Variants in PRKG1 observed in about 807,000 individuals in gnomAD.
PRKG1 encodes cGMP-dependent protein kinase 1.
PRKG1 carries 35 observed loss-of-function variants against 88.1 expected under a neutral mutation model. That is an observed-to-expected ratio of 0.40 (90% CI 0.30 to 0.53). The LOEUF (loss-of-function observed/expected upper bound fraction) is 0.53, where lower values mean the gene tolerates loss of function less well. Ranked by LOEUF, PRKG1 falls within the 20% of genes least tolerant of loss-of-function variation. The pLI is 0.59. For synonymous variants in PRKG1, 303 were observed against 292.5 expected (o/e 1.04, Z -0.37); for missense variants, 540 against 839.8 (o/e 0.64, Z 4.41).
chr10:52,118,945 T>C (rs1847751690), intron 7 of PRKG1, among the ~76,000 whole-genome samples: 1 of 152,136 alleles, frequency 6.6e-6, no homozygotes, highest in African/African-American at 2.4e-5. Context: ...AATCTCAATT[T>C]TAATTTTCAT....
At chr10:51,707,696 G>T (rs574649225) in intron 3 of PRKG1, among the ~76,000 whole-genome samples, 6 of 152,220 alleles carry the variant, frequency 3.9e-5, no homozygotes, top group African/African-American at 1.4e-4. Context: ...TCTGAGGCTA[G>T]GTTGGTCTGA....
intron 5 of PRKG1, among the ~76,000 whole-genome samples, chr10:52,011,103 G>T (rs888279108): frequency 3.3e-5 from 5 of 152,164 alleles, no homozygotes; most frequent in African/African-American, 9.6e-5. Flanking sequence ...AGCAGAATGT[G>T]GTGTGATTAG....
chr10:51,224,075 G>GA (rs1450734738), intron 2 of PRKG1, among the ~76,000 whole-genome samples: 1 of 152,158 alleles, frequency 6.6e-6, no homozygotes, highest in African/African-American at 2.4e-5. Context: ...CATGGAGTGG[G>GA]AAAATAGGAA....
At chr10:52,112,014 A>G (rs1429928141) in intron 7 of PRKG1, among the ~76,000 whole-genome samples, 3 of 152,206 alleles carry the variant, frequency 2.0e-5, no homozygotes, top group East Asian at 3.8e-4. Context: ...ACTGTAGACC[A>G]TCTTTCTGAC....
intron 9 of PRKG1, among the ~76,000 whole-genome samples, chr10:52,197,209 C>A (rs1336866493): frequency 6.6e-6 from 1 of 151,754 alleles, no homozygotes; most frequent in Non-Finnish European, 1.5e-5. Context: ...CTAAATTGAA[C>A]CTTGCTTCAT....
At chr10:51,601,724 T>A (rs1268643707) in intron 3 of PRKG1, among the ~76,000 whole-genome samples, 1 of 15,420 alleles carries the variant, frequency 6.5e-5, no homozygotes, top group Non-Finnish European at 1.3e-4. Flanking sequence ...AGATTGAATT[T>A]TTTTTTTTTT....
chr10:51,296,788 C>T (rs889668304), intron 2 of PRKG1, among the ~76,000 whole-genome samples: 2 of 151,866 alleles, frequency 1.3e-5, no homozygotes, highest in African/African-American at 2.4e-5. Context: ...ATGTTCTTTC[C>T]TAGTGTAGGC....
chr10:52,161,772 A>G, intron 8 of PRKG1, 117 bp from the exon 9 acceptor site: 1 of 793,428 alleles, frequency 1.3e-6, no homozygotes, highest in Non-Finnish European at 2.1e-6. Flanking sequence ...ACTTAGATTA[A>G]GTGTTTGAAT....
intron 10 of PRKG1, among the ~76,000 whole-genome samples, chr10:52,260,979 T>C (rs1376029566): frequency 1.3e-5 from 2 of 152,028 alleles, no homozygotes; most frequent in Non-Finnish European, 2.9e-5. Context: ...GTTCACAGTA[T>C]AATTAAAAAT....
intron 9 of PRKG1, among the ~76,000 whole-genome samples, chr10:52,168,728 GA>G (rs1267737859): frequency 6.6e-6 from 1 of 151,992 alleles, no homozygotes; most frequent in African/African-American, 2.4e-5. Context: ...AAGCATTTGA[GA>G]GATATTTAGG....
At chr10:52,261,937 C>T (rs1349701170) in intron 10 of PRKG1, among the ~76,000 whole-genome samples, 2 of 152,074 alleles carry the variant, frequency 1.3e-5, no homozygotes, top group Admixed American at 6.6e-5. Flanking sequence ...AAGCTGGCTT[C>T]TCCTGAACAA....
intron 2 of PRKG1, among the ~76,000 whole-genome samples, chr10:51,352,358 T>C (rs912413944): frequency 1.2e-4 from 18 of 152,156 alleles, no homozygotes; most frequent in African/African-American, 3.9e-4. Context: ...ATTTTCACGG[T>C]ATTGATTCTT....
At chr10:51,519,363 A>T (rs1271365344) in intron 3 of PRKG1, among the ~76,000 whole-genome samples, 1 of 152,162 alleles carries the variant, frequency 6.6e-6, no homozygotes, top group African/African-American at 2.4e-5. Context: ...ACTTGCTGAA[A>T]TCATGCAATT....
At chr10:51,072,267 T>C (rs7476372), upstream of PRKG1, among the ~76,000 whole-genome samples, 20,348 of 152,168 alleles carry the variant, frequency 0.13, 3,194 homozygotes, top group African/African-American at 0.38. Context: ...AGCTTAGCAG[T>C]TGTCTAATTA....
chr10:51,779,784 A>T (rs1419702531), intron 3 of PRKG1, among the ~76,000 whole-genome samples: 1 of 152,094 alleles, frequency 6.6e-6, no homozygotes, highest in Non-Finnish European at 1.5e-5. Flanking sequence ...TTAAGGAGCG[A>T]CTGGTGACAT....
chr10:51,676,269 C>T (rs1480231282), intron 3 of PRKG1, among the ~76,000 whole-genome samples: 2 of 151,938 alleles, frequency 1.3e-5, no homozygotes, highest in Non-Finnish European at 2.9e-5. Flanking sequence ...ATTTCAAGCA[C>T]TCAGGAGCCC....
rs542404959 is a variant in PRKG1 at position 52,248,146 on chromosome 10, C to T, written c.1077-3424C>T. ...CCTTTGAGTGGTTTTCCGCCCTGGGCGGGCCAGGTGTTCCTGGCCCTCATT... is the reference window on the plus strand; with the variant it reads ...CCTTTGAGTGGTTTTCCGCCCTGGGTGGGCCAGGTGTTCCTGGCCCTCATT... On this transcript the variant is annotated intron_variant, in intron 9 of 17. Transcript: ENST00000373980. 1.4e-3 allele frequency among the ~76,000 whole-genome samples: 206 copies of T among 152,296 alleles called. 1 individual carries two copies. Among genetic ancestry groups the T allele is most frequent in the African/African-American group, 4.7e-3 (194 of 41,578 alleles).
At chr10:51,303,668 A>C (rs935072997) in intron 2 of PRKG1, among the ~76,000 whole-genome samples, 2 of 152,108 alleles carry the variant, frequency 1.3e-5, no homozygotes, top group Non-Finnish European at 2.9e-5. Flanking sequence ...AGAAGATAAT[A>C]ATATTAAATT....
chr10:51,330,296 A>G (rs1007883756), intron 2 of PRKG1, among the ~76,000 whole-genome samples: 1 of 151,476 alleles, frequency 6.6e-6, no homozygotes, highest in Non-Finnish European at 1.5e-5. Context: ...GATTGCAGGC[A>G]TGCGCAACCA....
Sources: allele counts gnomAD v4.1 joint callset (sites outside exome capture counted in the v4.1 genomes callset), GRCh38; gene constraint gnomAD v4.1.1; transcripts MANE v1.5; gene names NCBI Gene and HGNC (gene_info 2026-07-23, HGNC 2026-07-21).